Variants in CFAP100 observed in about 807,000 individuals in gnomAD.
CFAP100 encodes cilia and flagella associated protein 100, also known as cilia- and flagella-associated protein 100.
In CFAP100, 70 loss-of-function variants were observed where a neutral mutation model predicts 81.5. That is an observed-to-expected ratio of 0.86 (90% CI 0.71 to 1.05). The LOEUF is 1.05. Ranked by LOEUF, CFAP100 falls within the 50% of genes least tolerant of loss-of-function variation. The pLI, the probability that CFAP100 is intolerant of heterozygous loss-of-function variation, is 0.00. For missense variants in CFAP100, 811 were observed against 776.5 expected (o/e 1.04, Z -0.53); for synonymous variants, 341 against 314.8 (o/e 1.08, Z -0.88).
In CFAP100 at chr3:126,416,501, G is replaced by A. The variant is rs751903581; in HGVS notation, c.411G>A (p.Leu137=). 6.3e-7 allele frequency: 1 copy of A among 1,586,596 alleles called. No homozygotes were observed. The highest frequency in any genetic ancestry group is 2.3e-5 in the East Asian group (1 of 43,874). The change falls in exon 5 of 17, where the codon TTG becomes TTA. Residue 137 remains leucine (L), a synonymous_variant. Transcript: ENST00000352312. ...FRDYTTWKLT[L]TKEKNVEPEN... ...ACTACACGACCTGGAAGCTCACCTT[G>A]ACCAAAGGTGCGTCCCCTCCGGCGC...
chr3:126,395,347 C>G (rs1224717624), intron 1 of CFAP100: 1 of 152,234 alleles, frequency 6.6e-6, no homozygotes, highest in Non-Finnish European at 1.5e-5. Flanking sequence ...CTGACTGTGA[C>G]TTTGGACACC....
chr3:126,435,477 G>GC, intron 15 of CFAP100, 82 bp from the exon 16 acceptor site: 1 of 1,166,914 alleles, frequency 8.6e-7, no homozygotes, highest in South Asian at 1.5e-5. Flanking sequence ...GGAGGACACG[G>GC]CCTGGCCTGG....
intron 3 of CFAP100, among the ~76,000 whole-genome samples, chr3:126,411,588 G>A (rs1576626454): frequency 2.0e-5 from 3 of 151,556 alleles, no homozygotes; most frequent in South Asian, 4.2e-4. Flanking sequence ...ATTCAATCTC[G>A]CTACTTGTTA....
chr3:126,416,365 C>T lies in CFAP100; in HGVS notation c.275C>T (p.Ser92Phe), dbSNP rs1279820833. 1 of 1,611,072 alleles carries T rather than the reference C, an allele frequency of 6.2e-7. No individual in the cohort carries two copies. Among genetic ancestry groups the T allele is most frequent in the Non-Finnish European group, 8.5e-7 (1 of 1,178,886 alleles). The change falls in exon 5 of 17, where the codon TCC becomes TTC. Residue 92 changes from serine (S) to phenylalanine (F), a missense_variant. Ser to Phe is a radical substitution (Grantham distance 155). Transcript: ENST00000352312. ...TMRVHQKMTY[S>F]SKVSAKHTSL... ...CGGGTGCACCAGAAGATGACCTACT[C>T]CTCGAAAGTGTCGGCTAAGCACACC...
At chr3:126,398,673 G>A (rs1275582120) in intron 2 of CFAP100, among the ~76,000 whole-genome samples, 2 of 152,230 alleles carry the variant, frequency 1.3e-5, no homozygotes, top group Non-Finnish European at 1.5e-5. Flanking sequence ...GCAGTGTGGA[G>A]AAACATGATC....
At position 126,424,182 on chromosome 3, in the gene CFAP100, G is replaced by A. The variant is rs4487205; in HGVS notation, c.1286+538G>A. On this transcript the variant is annotated intron_variant, in intron 13 of 16. Transcript: ENST00000352312. ...CCCTGCTGTTGTTCAGCAGCATAAC[G>A]GGGACGGGAGTGGGTGCAGCCCTGA... Among the ~76,000 whole-genome samples the A allele has an allele frequency of 2.6e-5, 4 of 152,322 alleles. No individual in the cohort carries two copies. The East Asian group carries it at 5.8e-4, about 22-fold the overall frequency.
intron 13 of CFAP100, among the ~76,000 whole-genome samples, chr3:126,424,052 G>C (rs2083375142): frequency 6.6e-6 from 1 of 152,244 alleles, no homozygotes; most frequent in African/African-American, 2.4e-5. Context: ...GCTCAGAAGG[G>C]CCTGGAAGCT....
At chr3:126,424,177 A>G (rs1259390208) in intron 13 of CFAP100, among the ~76,000 whole-genome samples, 1 of 152,234 alleles carries the variant, frequency 6.6e-6, no homozygotes, top group Non-Finnish European at 1.5e-5. Context: ...GTTCAGCAGC[A>G]TAACGGGGAC....
At chr3:126,405,942 G>A (rs1432300603) in intron 2 of CFAP100, among the ~76,000 whole-genome samples, 1 of 152,018 alleles carries the variant, frequency 6.6e-6, no homozygotes, top group Non-Finnish European at 1.5e-5. Context: ...CAGATCCATT[G>A]CTTTTTCATT....
intron 2 of CFAP100, among the ~76,000 whole-genome samples, chr3:126,401,443 A>ATATG (rs57952794): frequency 1.7e-5 from 2 of 117,884 alleles, no homozygotes; most frequent in South Asian, 2.7e-4. Flanking sequence ...ATATATATAT[A>ATATG]GTATTATGTT....
intron 11 of CFAP100, among the ~76,000 whole-genome samples, chr3:126,421,869 G>A (rs1439737163): frequency 5.3e-5 from 8 of 152,228 alleles, no homozygotes; most frequent in African/African-American, 1.7e-4. Context: ...CCACCATGAC[G>A]CCCTGCTGGT....
intron 13 of CFAP100, among the ~76,000 whole-genome samples, chr3:126,424,287 A>T (rs1018812547): frequency 6.6e-6 from 1 of 152,120 alleles, no homozygotes; most frequent in Non-Finnish European, 1.5e-5. Flanking sequence ...GGGATGGGTG[A>T]GGGCCATCTG....
chr3:126,403,213 A>T (rs2083013612), intron 2 of CFAP100, among the ~76,000 whole-genome samples: 1 of 152,018 alleles, frequency 6.6e-6, no homozygotes, highest in African/African-American at 2.4e-5. Context: ...CGGAAACGTG[A>T]GGGCATCAGC....
At chr3:126,400,708 C>T (rs1181591647) in intron 2 of CFAP100, among the ~76,000 whole-genome samples, 1 of 151,758 alleles carries the variant, frequency 6.6e-6, no homozygotes, top group African/African-American at 2.4e-5. Context: ...GCCAAGATTG[C>T]GCCACTGCAC....
At position 126,420,189 on chromosome 3, in the gene CFAP100, G is replaced by A; in HGVS notation, c.1042G>A (p.Gly348Ser). Residue 348 changes from glycine (G) to serine (S), a missense_variant, in exon 11 of 17, where the codon GGC (glycine) becomes AGC (serine). By Grantham distance (56) the Gly-to-Ser change is moderately conservative. Coordinates refer to ENST00000352312, the MANE Select transcript of CFAP100 (RefSeq NM_182628.3). ...SPSYLSSPQQ[G>S]SQPSESSGGD... ...GTCTTACCTGAGCAGCCCCCAGCAA[G>A]GCAGCCAGCCCAGCGAGTCCAGCGG... The A allele has an allele frequency of 6.2e-7, 1 of 1,612,834 alleles. No homozygotes were observed. The highest frequency in any genetic ancestry group is 8.5e-7 in the Non-Finnish European group (1 of 1,180,002).
chr3:126,403,358 G>T (rs1358763555), intron 2 of CFAP100, among the ~76,000 whole-genome samples: 1 of 151,730 alleles, frequency 6.6e-6, no homozygotes, highest in African/African-American at 2.4e-5. Context: ...CACATGAGTG[G>T]AGTGCCCAGT....
At chr3:126,401,652 G>C (rs1351384657) in intron 2 of CFAP100, among the ~76,000 whole-genome samples, 1 of 151,004 alleles carries the variant, frequency 6.6e-6, no homozygotes, top group African/African-American at 2.4e-5. Flanking sequence ...GGGATGGGCA[G>C]CCCAGAGAGA....
chr3:126,432,027 T>C (rs528875052), intron 13 of CFAP100, among the ~76,000 whole-genome samples: 1 of 152,074 alleles, frequency 6.6e-6, no homozygotes, highest in East Asian at 1.9e-4. Context: ...ACACCTGTAA[T>C]CCCAGCATTT....
intron 5 of CFAP100, 119 bp from the exon 6 acceptor site, chr3:126,418,339 A>C: frequency 1.2e-6 from 1 of 802,160 alleles, no homozygotes; most frequent in Admixed American, 2.0e-5. Flanking sequence ...CCCGGTAGTC[A>C]CCTGGGCGTG....
Sources: gnomAD v4.1 joint callset for allele counts (sites outside exome capture counted in the v4.1 genomes callset) on GRCh38, gnomAD v4.1.1 for gene constraint, MANE v1.5 for transcripts, NCBI Gene and HGNC (gene_info 2026-07-23, HGNC 2026-07-21) for gene names.